The following SEM1 variants were observed in gnomAD, a reference collection of about 807,000 sequenced individuals.
SEM1 encodes 26S proteasome complex subunit SEM1.
Under a neutral mutation model 12.7 loss-of-function variants are expected in SEM1, and 3 were observed. That is an observed-to-expected ratio of 0.24 (90% CI 0.11 to 0.61). SEM1 has a LOEUF of 0.61. Ranked by LOEUF, SEM1 falls within the 20% of genes least tolerant of loss-of-function variation. The pLI is 0.88. For synonymous variants in SEM1, 30 were observed against 27.8 expected (o/e 1.08, Z -0.25); for missense variants, 59 against 81.3 (o/e 0.73, Z 1.06).
chr7:96,686,494 A>G (rs1789763576), downstream of SEM1, among the ~76,000 whole-genome samples: 1 of 152,184 alleles, frequency 6.6e-6, no homozygotes, highest in South Asian at 2.1e-4. Flanking sequence ...TGACACTGTT[A>G]GGGTGACCAC....
At chr7:96,696,747 T>C (rs1415131406) in intron 1 of SEM1, 7 of 151,966 alleles carry the variant, frequency 4.6e-5, no homozygotes, top group African/African-American at 1.4e-4. Context: ...TTACAAATTC[T>C]CTATACTATA....
At chr7:96,665,884 G>A (rs966033522) in intron 2 of SEM1, among the ~76,000 whole-genome samples, 1 of 152,174 alleles carries the variant, frequency 6.6e-6, no homozygotes, top group Non-Finnish European at 1.5e-5. Flanking sequence ...TCACAATCCT[G>A]TGAGATACCA....
intron 2 of SEM1, among the ~76,000 whole-genome samples, chr7:96,551,704 TCAA>T (rs1805278991): frequency 1.4e-5 from 1 of 70,862 alleles, no homozygotes; most frequent in African/African-American, 5.0e-5. Flanking sequence ...AGACTCTGTC[TCAA>T]AAAAAAAAAA....
intron 2 of SEM1, among the ~76,000 whole-genome samples, chr7:96,526,378 A>G (rs1193529802): frequency 6.6e-6 from 1 of 152,014 alleles, no homozygotes; most frequent in Non-Finnish European, 1.5e-5. Flanking sequence ...AGTCCTCAAT[A>G]TAAAGAGAAA....
chr7:96,548,706 A>C (rs1805175911), intron 2 of SEM1, among the ~76,000 whole-genome samples: 1 of 152,138 alleles, frequency 6.6e-6, no homozygotes, highest in South Asian at 2.1e-4. Flanking sequence ...TTTAAAATAT[A>C]AACTCTTTGA....
chr7:96,599,168 T>C (rs966789444), intron 2 of SEM1, among the ~76,000 whole-genome samples: 1 of 152,136 alleles, frequency 6.6e-6, no homozygotes, highest in Non-Finnish European at 1.5e-5. Context: ...GGTTTAGGGC[T>C]TTATCAGGTG....
intron 2 of SEM1, among the ~76,000 whole-genome samples, chr7:96,632,757 G>A (rs1808306895): frequency 6.8e-6 from 1 of 147,836 alleles, no homozygotes; most frequent in African/African-American, 2.5e-5. Context: ...TTGTTCTTAT[G>A]AAGGTGGTTT....
chr7:96,582,521 T>A (rs1263435334), intron 2 of SEM1, among the ~76,000 whole-genome samples: 4 of 151,516 alleles, frequency 2.6e-5, no homozygotes, highest in African/African-American at 9.7e-5. Context: ...CTTTTTCTAT[T>A]GATTGGAATA....
chr7:96,623,760 G>A (rs1379262483), intron 2 of SEM1, among the ~76,000 whole-genome samples: 1 of 151,930 alleles, frequency 6.6e-6, no homozygotes, highest in Non-Finnish European at 1.5e-5. Flanking sequence ...CTACAAACTT[G>A]GTGGCTTAAA....
At chr7:96,502,062 TC>T (rs1435560763) in intron 3 of SEM1, among the ~76,000 whole-genome samples, 1 of 152,178 alleles carries the variant, frequency 6.6e-6, no homozygotes, top group Non-Finnish European at 1.5e-5. Context: ...AAAATTTCAT[TC>T]TTTTTAATGG....
intron 2 of SEM1, among the ~76,000 whole-genome samples, chr7:96,511,707 A>C (rs1057433843): frequency 1.3e-5 from 2 of 152,144 alleles, no homozygotes; most frequent in Non-Finnish European, 2.9e-5. Context: ...CATCTAAAAA[A>C]GGGGTTAAAA....
At chr7:96,558,567 G>T (rs188936348) in intron 2 of SEM1, among the ~76,000 whole-genome samples, 7 of 152,290 alleles carry the variant, frequency 4.6e-5, no homozygotes, top group Admixed American at 2.0e-4. Context: ...GAAGAGCATG[G>T]CCTAGTTGTT....
chr7:96,579,785 C>A (rs1806325171), intron 2 of SEM1, among the ~76,000 whole-genome samples: 1 of 152,016 alleles, frequency 6.6e-6, no homozygotes, highest in South Asian at 2.1e-4. Flanking sequence ...ACTATATACA[C>A]CCTTTATACC....
intron 2 of SEM1, among the ~76,000 whole-genome samples, chr7:96,657,669 G>T (rs1011977723): frequency 6.6e-6 from 1 of 152,126 alleles, no homozygotes; most frequent in African/African-American, 2.4e-5. Flanking sequence ...CATTGGCTTC[G>T]AAAAAGAAGT....
chr7:96,524,134 T>C (rs1178892062), intron 2 of SEM1, among the ~76,000 whole-genome samples: 1 of 152,136 alleles, frequency 6.6e-6, no homozygotes, highest in Non-Finnish European at 1.5e-5. Context: ...GCCTCGCTTT[T>C]GTGAGGGTTT....
chr7:96,502,588 C>T (rs186386712), intron 3 of SEM1, among the ~76,000 whole-genome samples: 285 of 152,264 alleles, frequency 1.9e-3, no homozygotes, highest in South Asian at 3.1e-3. Context: ...GTTTATAATA[C>T]TCCCCAATTT....
intron 2 of SEM1, among the ~76,000 whole-genome samples, chr7:96,562,705 G>A (rs1805726554): frequency 6.6e-6 from 1 of 152,170 alleles, no homozygotes; most frequent in African/African-American, 2.4e-5. Context: ...AGGGTGGGGA[G>A]AAGTTTGGTA....
At chr7:96,664,636 T>C (rs1789117799) in intron 2 of SEM1, among the ~76,000 whole-genome samples, 1 of 152,176 alleles carries the variant, frequency 6.6e-6, no homozygotes, top group Non-Finnish European at 1.5e-5. Flanking sequence ...TGTAAAACAA[T>C]ATGTTCACAG....
intron 2 of SEM1, among the ~76,000 whole-genome samples, chr7:96,563,024 G>T (rs1468915589): frequency 6.6e-6 from 1 of 152,182 alleles, no homozygotes; most frequent in Non-Finnish European, 1.5e-5. Context: ...TAGACAGCAT[G>T]CTGATTGCTA....
Sources: allele counts gnomAD v4.1 joint callset (sites outside exome capture counted in the v4.1 genomes callset), GRCh38; gene constraint gnomAD v4.1.1; transcripts MANE v1.5; gene names NCBI Gene and HGNC (gene_info 2026-07-23, HGNC 2026-07-21).